The following SHISA9 variants were observed in gnomAD, a reference collection of about 807,000 sequenced individuals.
SHISA9 encodes protein shisa-9.
Under a neutral mutation model 38.0 loss-of-function variants are expected in SHISA9, and 13 were observed. The ratio of observed to expected loss-of-function variants is 0.34; its 90% CI spans 0.22 to 0.54. SHISA9 has a LOEUF of 0.54. SHISA9 is among the 20% of genes least tolerant of loss of function. The pLI is 0.91. For missense variants in SHISA9, 538 were observed against 575.8 expected (o/e 0.93, Z 0.67); for synonymous variants, 275 against 242.0 (o/e 1.14, Z -1.27).
chr16:12,933,399 A>T (rs535514888), intron 2 of SHISA9, among the ~76,000 whole-genome samples: 3 of 152,106 alleles, frequency 2.0e-5, no homozygotes, highest in African/African-American at 7.2e-5. Flanking sequence ...GTTTCAAGCA[A>T]TTCTGCTTCA....
intron 1 of SHISA9, among the ~76,000 whole-genome samples, chr16:12,914,025 A>C (rs990745102): frequency 8.0e-6 from 1 of 125,466 alleles, no homozygotes; most frequent in Non-Finnish European, 1.8e-5. Context: ...TCGTTTATTT[A>C]TTTCTTTTTT....
At chr16:13,159,758 A>C (rs2142011579) in intron 2 of SHISA9, among the ~76,000 whole-genome samples, 1 of 152,306 alleles carries the variant, frequency 6.6e-6, no homozygotes, top group Non-Finnish European at 1.5e-5. Context: ...CCATTCTCTA[A>C]GGCCGAGGTT....
the SHISA9 span, among the ~76,000 whole-genome samples, chr16:13,407,433 C>T: frequency 7.9e-5 from 12 of 152,164 alleles, no homozygotes; most frequent in Non-Finnish European, 1.6e-4. Flanking sequence ...GGGCTCTATT[C>T]TCATGACCTA....
At chr16:12,920,753 A>G (rs2071317571) in intron 2 of SHISA9, among the ~76,000 whole-genome samples, 1 of 152,230 alleles carries the variant, frequency 6.6e-6, no homozygotes, top group Non-Finnish European at 1.5e-5. Flanking sequence ...GTCAAAACTA[A>G]GAAATCAACG....
rs571497303 is a variant in SHISA9, at chr16:13,068,287, A to T, written c.692-135107A>T. On this transcript the variant is annotated intron_variant, in intron 2 of 4. Transcript: ENST00000558583. ...CAGGCCTCCGTTTCTCGACCCATAA[A>T]ATGAGCCAACAGTAGTCATTCTTGT... Among the ~76,000 whole-genome samples, 69 of 152,332 alleles carry T rather than the reference A, an allele frequency of 4.5e-4. 1 individual carries two copies. In the South Asian group the frequency reaches 0.013, roughly 30 times the overall value.
chr16:12,997,620 G>A (rs979674072), intron 2 of SHISA9, among the ~76,000 whole-genome samples: 1 of 151,864 alleles, frequency 6.6e-6, no homozygotes, highest in African/African-American at 2.4e-5. Context: ...TGACCAGGCT[G>A]GTCTCGATCT....
intron 2 of SHISA9, among the ~76,000 whole-genome samples, chr16:13,076,664 G>T (rs543411293): frequency 4.2e-4 from 64 of 152,262 alleles, no homozygotes; most frequent in Non-Finnish European, 8.7e-4. Flanking sequence ...CTCTCCTCCA[G>T]TACCTCCAAG....
At chr16:13,400,683 A>C in the SHISA9 span, among the ~76,000 whole-genome samples, 1 of 152,278 alleles carries the variant, frequency 6.6e-6, no homozygotes, top group South Asian at 2.1e-4. Context: ...GATTCATTCC[A>C]ATAACCCTGA....
chr16:12,930,867 C>G (rs982103005), intron 2 of SHISA9, among the ~76,000 whole-genome samples: 1 of 152,132 alleles, frequency 6.6e-6, no homozygotes, highest in Non-Finnish European at 1.5e-5. Context: ...AAACCCATAA[C>G]AACTCCACAG....
the SHISA9 span, among the ~76,000 whole-genome samples, chr16:13,382,685 C>A: frequency 6.6e-6 from 1 of 151,760 alleles, no homozygotes. Flanking sequence ...ATGGTGAAAC[C>A]CTGTCTGTAT....
At chr16:13,447,503 C>T in the SHISA9 span, among the ~76,000 whole-genome samples, 5 of 152,330 alleles carry the variant, frequency 3.3e-5, no homozygotes, top group Admixed American at 6.5e-5. Context: ...CAGACAGGGA[C>T]AGACAGAGCA....
At chr16:13,420,371 C>T in the SHISA9 span, among the ~76,000 whole-genome samples, 1 of 151,492 alleles carries the variant, frequency 6.6e-6, no homozygotes, top group African/African-American at 2.4e-5. Flanking sequence ...ATATGATCCT[C>T]CCCTCACAGA....
chr16:13,041,968 C>T (rs1027665753), intron 2 of SHISA9, among the ~76,000 whole-genome samples: 7 of 152,188 alleles, frequency 4.6e-5, no homozygotes, highest in Admixed American at 6.5e-5. Flanking sequence ...GCCTAATACC[C>T]GGCTTTGACT....
intron 2 of SHISA9, among the ~76,000 whole-genome samples, chr16:12,938,047 C>G (rs568746253): frequency 2.4e-4 from 36 of 152,330 alleles, no homozygotes; most frequent in African/African-American, 8.4e-4. Context: ...CAGTGGCCAC[C>G]AGTCTCTCCT....
intron 2 of SHISA9, among the ~76,000 whole-genome samples, chr16:12,973,216 C>A (rs2072108593): frequency 6.6e-6 from 1 of 152,206 alleles, no homozygotes; most frequent in Admixed American, 6.5e-5. Flanking sequence ...AGGAGCCTGG[C>A]AGCTGAATCC....
At chr16:13,123,862 CCT>C (rs1396433761) in intron 2 of SHISA9, among the ~76,000 whole-genome samples, 1 of 152,170 alleles carries the variant, frequency 6.6e-6, no homozygotes, top group African/African-American at 2.4e-5. Flanking sequence ...GGGGAATTTA[CCT>C]CTCTATTTTC....
the SHISA9 span, among the ~76,000 whole-genome samples, chr16:13,506,493 A>G: frequency 5.9e-5 from 9 of 152,286 alleles, no homozygotes; most frequent in East Asian, 1.5e-3. Flanking sequence ...ACGGGGTTGA[A>G]ATTTCAAAGA....
the SHISA9 span, among the ~76,000 whole-genome samples, chr16:13,254,367 C>G: frequency 1.3e-5 from 2 of 152,196 alleles, no homozygotes; most frequent in African/African-American, 2.4e-5. Context: ...GATAAGACAA[C>G]AGGACCACTT....
At chr16:13,268,528 C>T in the SHISA9 span, among the ~76,000 whole-genome samples, 8 of 152,012 alleles carry the variant, frequency 5.3e-5, no homozygotes, top group African/African-American at 1.9e-4. Context: ...AACAAACAAA[C>T]AAAAATGTCC....
Sources: allele counts gnomAD v4.1 joint callset (sites outside exome capture counted in the v4.1 genomes callset), GRCh38; gene constraint gnomAD v4.1.1; transcripts MANE v1.5; gene names NCBI Gene and HGNC (gene_info 2026-07-23, HGNC 2026-07-21).